The following PUM1 variants were observed in gnomAD, a reference collection of about 807,000 sequenced individuals.
PUM1 encodes the protein pumilio RNA binding family member 1.
A neutral mutation model predicts 131.8 loss-of-function variants in PUM1; 13 were observed. That is an observed-to-expected ratio of 0.10 (90% CI 0.06 to 0.16). PUM1 has a LOEUF of 0.16. PUM1 is among the 10% of genes least tolerant of loss of function. The pLI, the probability that PUM1 is intolerant of heterozygous loss-of-function variation, is 1.00. For missense variants in PUM1, 961 were observed against 1,512.4 expected (o/e 0.64, Z 6.05); for synonymous variants, 509 against 556.5 (o/e 0.91, Z 1.20).
chr1:31,055,279 C>A, intron 2 of PUM1: 1 of 452,542 alleles, frequency 2.2e-6, no homozygotes, highest in Middle Eastern at 3.3e-4. Flanking sequence ...TGTTTCCCAG[C>A]AGGATGACTG....
chr1:30,966,598 T>C (rs1207550118), intron 12 of PUM1, among the ~76,000 whole-genome samples: 2 of 152,234 alleles, frequency 1.3e-5, no homozygotes, highest in Admixed American at 6.5e-5. Context: ...TAAATATCTA[T>C]GTTGAGGGTT....
chr1:31,057,418 A>AG lies in PUM1; in HGVS notation c.363+1785_363+1786insC, dbSNP rs1486266587. ...CAGACCTTGTCTCAAAAAAAAAAAA[A>AG]AAAAGAAAAAGAAAAAAAAAAAAGG... On this transcript the variant is annotated intron_variant, in intron 2 of 21. Coordinates refer to ENST00000426105, the MANE Select transcript of PUM1 (RefSeq NM_001020658.2). Among the ~76,000 whole-genome samples, 4 of 146,734 alleles carry AG rather than the reference A, an allele frequency of 2.7e-5. No individual in the cohort carries two copies. The East Asian group carries it at 7.9e-4, about 29-fold the overall frequency.
At chr1:31,005,636 A>C (rs1306747749) in intron 5 of PUM1, among the ~76,000 whole-genome samples, 1 of 152,154 alleles carries the variant, frequency 6.6e-6, no homozygotes, top group Non-Finnish European at 1.5e-5. Context: ...CCCCCCACCA[A>C]AACATTATTA....
chr1:31,003,237 A>G (rs7549837), intron 5 of PUM1, among the ~76,000 whole-genome samples: 6,716 of 152,268 alleles, frequency 0.044, 458 homozygotes, highest in African/African-American at 0.15. Context: ...ATCTACAAGA[A>G]GCAGAAATCC....
At chr1:31,030,365 T>A (rs1643381598) in intron 2 of PUM1, among the ~76,000 whole-genome samples, 1 of 152,036 alleles carries the variant, frequency 6.6e-6, no homozygotes, top group Non-Finnish European at 1.5e-5. Context: ...GATAAACGTA[T>A]TGAGGGTCAA....
At chr1:30,963,469 G>C (rs908659570) in intron 14 of PUM1, among the ~76,000 whole-genome samples, 1 of 152,098 alleles carries the variant, frequency 6.6e-6, no homozygotes, top group Admixed American at 6.5e-5. Flanking sequence ...TTCAGGATAC[G>C]CACACACATG....
rs374362138 is a variant in PUM1, at chr1:30,995,249, A to T, written c.721-29T>A. 5.0e-6 allele frequency: 8 copies of T among 1,612,302 alleles called. No homozygotes were observed. In the African/African-American group the frequency reaches 1.1e-4, roughly 22 times the overall value. On this transcript the variant is annotated intron_variant, in intron 5 of 21. Coordinates refer to ENST00000426105, the MANE Select transcript of PUM1 (RefSeq NM_001020658.2). Reference sequence around the variant, plus strand: ...TTTAAAAAATAGCTTCAGCTTCACTAATCGTCATCAACTAATAATAACGGG... The same window carrying T: ...TTTAAAAAATAGCTTCAGCTTCACTTATCGTCATCAACTAATAATAACGGG...
At chr1:30,974,458 A>G (rs1641056928) in intron 10 of PUM1, among the ~76,000 whole-genome samples, 193 bp downstream of exon 10, 1 of 152,238 alleles carries the variant, frequency 6.6e-6, no homozygotes, top group African/African-American at 2.4e-5. Context: ...CCACCTAGGT[A>G]CAATAGTGTC....
At chr1:31,063,625 T>G (rs1373940523) in intron 1 of PUM1, among the ~76,000 whole-genome samples, 1 of 152,122 alleles carries the variant, frequency 6.6e-6, no homozygotes, top group African/African-American at 2.4e-5. Context: ...ATAAAAATTT[T>G]TAAAAGAAAA....
rs894344682 is a variant in PUM1, at chr1:31,030,678, TCTA to T, written c.364-1817_364-1815del. Among the ~76,000 whole-genome samples the T allele has an allele frequency of 6.6e-5, 10 of 150,780 alleles. No homozygotes were observed. In the South Asian group the frequency reaches 1.3e-3, roughly 19 times the overall value. On this transcript the variant is annotated intron_variant, in intron 2 of 21. Coordinates refer to ENST00000426105, the MANE Select transcript of PUM1 (RefSeq NM_001020658.2). ...GTCAGCAGAAATCACGCCACTACAC[TCTA>T]GCCTGGGTGAGAGTGAGACAGTGTC... is the stretch of plus-strand genomic sequence containing the variant.
In PUM1 at chr1:31,006,028, T is replaced by A; in HGVS notation, c.545A>T (p.His182Leu). The A allele has an allele frequency of 6.3e-7, 1 of 1,598,056 alleles. No individual in the cohort carries two copies. Among genetic ancestry groups the A allele is most frequent in the Admixed American group, 1.8e-5 (1 of 56,152 alleles). ...WRDSAWGTSD[H>L]SVSQPIMVQR... Reference sequence around the variant, plus strand: ...CACCATGATTGGCTGGGAAACTGAATGATCTACAAAAAAGATACACAAGCA... The same window carrying A: ...CACCATGATTGGCTGGGAAACTGAAAGATCTACAAAAAAGATACACAAGCA... The change falls in exon 5 of 22, where the codon CAT becomes CTT. Residue 182 changes from histidine to leucine, a missense_variant. Coordinates refer to ENST00000426105, the MANE Select transcript of PUM1 (RefSeq NM_001020658.2).
chr1:30,982,587 T>C (rs947995967), intron 7 of PUM1, among the ~76,000 whole-genome samples: 1 of 152,230 alleles, frequency 6.6e-6, no homozygotes, highest in Non-Finnish European at 1.5e-5. Flanking sequence ...CATTGCTGGA[T>C]GATGTTTAAC....
chr1:30,933,799 G>C (rs1557539864), intron 21 of PUM1, among the ~76,000 whole-genome samples: 1 of 152,190 alleles, frequency 6.6e-6, no homozygotes, highest in Non-Finnish European at 1.5e-5. Context: ...CCAGAATCCT[G>C]AGCTCACCAC....
At chr1:31,055,188 C>G (rs780509156) in intron 2 of PUM1, 4 of 369,374 alleles carry the variant, frequency 1.1e-5, no homozygotes, top group Non-Finnish European at 2.2e-5. Flanking sequence ...AGATTCTCCA[C>G]CTAGAGATGT....
chr1:31,038,984 A>ATATATATATTTTTTTTTTTTTTTTTT, intron 2 of PUM1, among the ~76,000 whole-genome samples: 2 of 49,418 alleles, frequency 4.0e-5, no homozygotes, highest in East Asian at 6.7e-4. Context: ...ATATATATAT[A>ATATATATATTTTTTTTTTTTTTTTTT]TTTTTTTTTT....
chr1:31,062,562 G>A (rs1379317634), intron 1 of PUM1, among the ~76,000 whole-genome samples: 1 of 150,456 alleles, frequency 6.6e-6, no homozygotes, highest in Non-Finnish European at 1.5e-5. Flanking sequence ...GGAGGTTGCA[G>A]TGAGCCGAGA....
chr1:30,986,904 A>G (rs1303696673), intron 7 of PUM1, among the ~76,000 whole-genome samples: 1 of 152,188 alleles, frequency 6.6e-6, no homozygotes, highest in African/African-American at 2.4e-5. Flanking sequence ...ATTTAATCAC[A>G]CTGCCACACT....
chr1:31,062,364 T>C (rs1644386902), intron 1 of PUM1, among the ~76,000 whole-genome samples: 1 of 152,198 alleles, frequency 6.6e-6, no homozygotes, highest in African/African-American at 2.4e-5. Flanking sequence ...GGCTTACGCC[T>C]GTAATCCCAG....
chr1:30,950,280 T>C lies in PUM1; in HGVS notation c.2722-19A>G. 1 of 1,606,380 alleles carries C rather than the reference T, an allele frequency of 6.2e-7. No homozygotes were observed. Among genetic ancestry groups the C allele is most frequent in the Non-Finnish European group, 8.5e-7 (1 of 1,176,738 alleles). ...TGCCAAACTAGACATAATGTGTGGG[T>C]AAACACCATTACTTAAGTAGAAGGA... On this transcript the variant is annotated intron_variant, in intron 16 of 21. Coordinates refer to ENST00000426105, the MANE Select transcript of PUM1 (RefSeq NM_001020658.2).
Sources: gnomAD v4.1 joint callset for allele counts (sites outside exome capture counted in the v4.1 genomes callset) on GRCh38, gnomAD v4.1.1 for gene constraint, MANE v1.5 for transcripts, NCBI Gene and HGNC (gene_info 2026-07-23, HGNC 2026-07-21) for gene names.